The following LRRC4C variants were observed in gnomAD, a reference collection of about 807,000 sequenced individuals.
The protein encoded by LRRC4C is leucine rich repeat containing 4C, also known as leucine-rich repeat-containing protein 4C.
LRRC4C carries 5 observed loss-of-function variants against 33.6 expected under a neutral mutation model. The ratio of observed to expected loss-of-function variants is 0.15; its 90% CI spans 0.08 to 0.31. The LOEUF (loss-of-function observed/expected upper bound fraction) is 0.31. Among genes scored for constraint, LRRC4C ranks in the 10% least tolerant of loss-of-function variants. LRRC4C has a pLI of 1.00. For missense variants in LRRC4C, 560 were observed against 796.7 expected (o/e 0.70, Z 3.58); for synonymous variants, 329 against 302.0 (o/e 1.09, Z -0.93).
chr11:40,686,587 G>T (rs1944966773), intron 2 of LRRC4C, among the ~76,000 whole-genome samples: 1 of 152,056 alleles, frequency 6.6e-6, no homozygotes. Flanking sequence ...AAGGAGGATA[G>T]GTGTGACCTG....
At chr11:41,194,510 C>T (rs935742061) in intron 1 of LRRC4C, among the ~76,000 whole-genome samples, 1 of 152,070 alleles carries the variant, frequency 6.6e-6, no homozygotes, top group African/African-American at 2.4e-5. Context: ...ATGATAATGA[C>T]CATTTTGCCA....
chr11:41,335,445 C>T (rs961847651), intron 1 of LRRC4C, among the ~76,000 whole-genome samples: 1 of 152,132 alleles, frequency 6.6e-6, no homozygotes, highest in Non-Finnish European at 1.5e-5. Flanking sequence ...AAAATACTAC[C>T]TGTCCATCTT....
At chr11:41,327,287 A>G (rs1358931531) in intron 1 of LRRC4C, among the ~76,000 whole-genome samples, 1 of 152,180 alleles carries the variant, frequency 6.6e-6, no homozygotes, top group Non-Finnish European at 1.5e-5. Context: ...GTCAGAGAGC[A>G]GCGTGAGCCT....
chr11:40,312,104 A>G (rs938281762), intron 4 of LRRC4C, among the ~76,000 whole-genome samples: 3 of 152,166 alleles, frequency 2.0e-5, no homozygotes, highest in Admixed American at 6.5e-5. Context: ...AAGATGAACT[A>G]TGGAGTTCTA....
intron 3 of LRRC4C, among the ~76,000 whole-genome samples, chr11:40,510,082 G>C (rs1284671969): frequency 2.0e-5 from 3 of 151,858 alleles, no homozygotes; most frequent in Admixed American, 6.6e-5. Flanking sequence ...CACCTCAGGG[G>C]TTCTTGTTTT....
chr11:40,158,579 CA>C lies in LRRC4C; in HGVS notation c.-95-17727del, dbSNP rs10652402. Among the ~76,000 whole-genome samples the C allele has an allele frequency of 4.0e-3, 565 of 141,216 alleles. 2 individuals carry two copies. Among genetic ancestry groups the C allele is most frequent in the South Asian group, 0.013 (59 of 4,462 alleles). The allele number at this position is 141,216 out of a possible 152,430, so 92.6% of individuals were successfully genotyped here. A position where few individuals can be genotyped will look rare whatever the true frequency, so the allele number is the denominator to read the frequency against. Reference sequence around the variant, plus strand: ...TTATTAGAGCTTAAAACATACTTATCAAAAAAAAAAAAAATAGATTCCCTGG... The same window carrying C: ...TTATTAGAGCTTAAAACATACTTATCAAAAAAAAAAAAATAGATTCCCTGG... On this transcript the variant is annotated intron_variant, in intron 5 of 6. Transcript: ENST00000528697.
intron 4 of LRRC4C, among the ~76,000 whole-genome samples, chr11:40,284,146 A>G (rs1446428027): frequency 6.6e-6 from 1 of 152,184 alleles, no homozygotes; most frequent in East Asian, 1.9e-4. Context: ...GGGAGCTGGG[A>G]AAGATGTTCC....
At chr11:40,529,960 A>G (rs953302075) in intron 3 of LRRC4C, among the ~76,000 whole-genome samples, 6 of 152,230 alleles carry the variant, frequency 3.9e-5, no homozygotes, top group Non-Finnish European at 1.5e-5. Context: ...CCCAGAAATT[A>G]AAGTATAATT....
intron 3 of LRRC4C, among the ~76,000 whole-genome samples, chr11:40,320,017 C>CT (rs953126232): frequency 6.6e-6 from 1 of 151,730 alleles, no homozygotes; most frequent in African/African-American, 2.4e-5. Context: ...TCTTTCATTT[C>CT]TTTTTTAATG....
At chr11:40,956,063 A>G (rs1958941359) in intron 1 of LRRC4C, among the ~76,000 whole-genome samples, 1 of 151,762 alleles carries the variant, frequency 6.6e-6, no homozygotes, top group Non-Finnish European at 1.5e-5. Flanking sequence ...TTTACTTACA[A>G]AGGGCCATAT....
intron 1 of LRRC4C, among the ~76,000 whole-genome samples, chr11:41,306,533 A>AC (rs1355109372): frequency 1.3e-5 from 2 of 152,202 alleles, no homozygotes; most frequent in Non-Finnish European, 2.9e-5. Context: ...TATACTACAC[A>AC]CCATGTGCTA....
chr11:40,751,938 A>G (rs898662771), intron 2 of LRRC4C, among the ~76,000 whole-genome samples: 1 of 152,168 alleles, frequency 6.6e-6, no homozygotes, highest in Non-Finnish European at 1.5e-5. Context: ...GAACCCAGAG[A>G]TAAATCAATG....
chr11:40,173,360 T>C (rs1590613609), intron 5 of LRRC4C, among the ~76,000 whole-genome samples: 2 of 152,344 alleles, frequency 1.3e-5, no homozygotes, highest in South Asian at 4.1e-4. Context: ...GGCAAAGACC[T>C]GCATGTCTGG....
chr11:40,469,619 T>A (rs1952827849), intron 3 of LRRC4C, among the ~76,000 whole-genome samples: 1 of 152,282 alleles, frequency 6.6e-6, no homozygotes, highest in South Asian at 2.1e-4. Flanking sequence ...CCCAGCAAAC[T>A]ATGATCCACT....
chr11:40,968,743 T>C (rs906177976), intron 1 of LRRC4C, among the ~76,000 whole-genome samples: 1 of 152,148 alleles, frequency 6.6e-6, no homozygotes, highest in Non-Finnish European at 1.5e-5. Flanking sequence ...AAGCCCACTT[T>C]TGAGACCTAC....
Position 41,029,745 on chromosome 11 carries a change from T to C in LRRC4C, c.-495-96022A>G, listed in dbSNP as rs780892348. Among the ~76,000 whole-genome samples the C allele has an allele frequency of 2.0e-4, 30 of 151,820 alleles. 1 individual carries two copies. Among genetic ancestry groups the C allele is most frequent in the Admixed American group, 6.6e-5 (1 of 15,186 alleles). On this transcript the variant is annotated intron_variant, in intron 1 of 6. Transcript: ENST00000528697. ...GATCTCTGCATGTAAGAGATTTAACTGTGTGGAAGACTATTGTAAATAGGT... is the reference window on the plus strand; with the variant it reads ...GATCTCTGCATGTAAGAGATTTAACCGTGTGGAAGACTATTGTAAATAGGT...
chr11:41,043,675 G>C (rs371486825), intron 1 of LRRC4C, among the ~76,000 whole-genome samples: 16 of 151,698 alleles, frequency 1.1e-4, no homozygotes, highest in African/African-American at 3.9e-4. Context: ...CCAAGCTCAC[G>C]TACTTAGTAA....
intron 3 of LRRC4C, among the ~76,000 whole-genome samples, chr11:40,525,664 A>C (rs1048034791): frequency 3.3e-5 from 5 of 150,140 alleles, no homozygotes; most frequent in African/African-American, 4.9e-5. Flanking sequence ...ATGCTAGGAA[A>C]TAATTTCTCT....
intron 5 of LRRC4C, among the ~76,000 whole-genome samples, chr11:40,223,690 C>G (rs777669289): frequency 6.6e-6 from 1 of 152,132 alleles, no homozygotes; most frequent in Non-Finnish European, 1.5e-5. Flanking sequence ...TAAAATGTCA[C>G]CCAAGGGAAC....
Sources: gnomAD v4.1 joint callset for allele counts (sites outside exome capture counted in the v4.1 genomes callset) on GRCh38, gnomAD v4.1.1 for gene constraint, MANE v1.5 for transcripts, NCBI Gene and HGNC (gene_info 2026-07-23, HGNC 2026-07-21) for gene names.